The following CADM1 variants were observed in gnomAD, a reference collection of about 807,000 sequenced individuals.
The protein encoded by CADM1 is cell adhesion molecule 1.
A neutral mutation model predicts 53.1 loss-of-function variants in CADM1; 15 were observed. The observed-to-expected ratio is 0.28, with a 90% CI of 0.19 to 0.44. The LOEUF (loss-of-function observed/expected upper bound fraction) is 0.44. Among genes scored for constraint, CADM1 ranks in the 20% least tolerant of loss-of-function variants. The pLI, the probability that CADM1 is intolerant of heterozygous loss-of-function variation, is 1.00. For synonymous variants in CADM1, 281 were observed against 243.0 expected (o/e 1.16, Z -1.45); for missense variants, 434 against 611.3 (o/e 0.71, Z 3.06).
At chr11:115,432,028 T>G (rs539574015) in intron 1 of CADM1, among the ~76,000 whole-genome samples, 24 of 152,144 alleles carry the variant, frequency 1.6e-4, no homozygotes, top group African/African-American at 5.8e-4. Context: ...CACTGCAACC[T>G]CTGCCCCTCC....
chr11:115,467,043 G>T (rs1380221390), intron 1 of CADM1, among the ~76,000 whole-genome samples: 1 of 152,114 alleles, frequency 6.6e-6, no homozygotes, highest in Non-Finnish European at 1.5e-5. Context: ...GACCCTTTCA[G>T]TATTTTTCAT....
intron 5 of CADM1, among the ~76,000 whole-genome samples, chr11:115,227,928 G>A (rs968352848): frequency 2.6e-5 from 4 of 152,234 alleles, no homozygotes; most frequent in Admixed American, 1.3e-4. Context: ...ATCTGTGACT[G>A]TAGCTGAATT....
At position 115,178,562 on chromosome 11, in the gene CADM1, C is replaced by T. The variant is rs563933500; in HGVS notation, c.1297+82G>A. On this transcript the variant is annotated intron_variant, in intron 11 of 11. Coordinates refer to ENST00000331581, the MANE Select transcript of CADM1 (RefSeq NM_001301043.2). Reference sequence around the variant, plus strand: ...CCGTGTGGCCACATACATCAAATTGCCTATCAAGGACAACCTTGTAAAGTC... The same window carrying T: ...CCGTGTGGCCACATACATCAAATTGTCTATCAAGGACAACCTTGTAAAGTC... 9.5e-4 allele frequency: 1,280 copies of T among 1,348,524 alleles called. 1 individual carries two copies. Among genetic ancestry groups the T allele is most frequent in the Non-Finnish European group, 1.3e-3 (1,235 of 959,326 alleles). 83.5% of individuals were successfully genotyped at this position (1,348,524 alleles called of 1,614,324 possible).
At chr11:115,366,217 G>A (rs981638795) in intron 1 of CADM1, among the ~76,000 whole-genome samples, 6 of 152,036 alleles carry the variant, frequency 3.9e-5, no homozygotes, top group African/African-American at 9.7e-5. Context: ...ACATTTCTCC[G>A]CAGCACAAAA....
At chr11:115,357,963 A>G (rs1405969739) in intron 1 of CADM1, among the ~76,000 whole-genome samples, 3 of 152,194 alleles carry the variant, frequency 2.0e-5, no homozygotes, top group South Asian at 2.1e-4. Flanking sequence ...ATAATGTGGT[A>G]ATTGCCATAA....
Position 115,402,360 on chromosome 11 carries a change from T to G in CADM1, c.124+101911A>C, listed in dbSNP as rs535097697. Among the ~76,000 whole-genome samples the G allele has an allele frequency of 6.1e-3, 927 of 152,148 alleles. 9 individuals are homozygous for G. The highest frequency in any genetic ancestry group is 0.021 in the African/African-American group (885 of 41,506). ...CAATATGGTGAAACCCTGTCTCTAC[T>G]ACAAATACAAAAATTAGCTGGGTGT... On this transcript the variant is annotated intron_variant, in intron 1 of 11. Transcript: ENST00000331581.
intron 1 of CADM1, among the ~76,000 whole-genome samples, chr11:115,266,413 G>A (rs1943142707): frequency 6.6e-6 from 1 of 152,208 alleles, no homozygotes; most frequent in Non-Finnish European, 1.5e-5. Context: ...GCCTGCTGGA[G>A]TGCCATGTCT....
intron 1 of CADM1, among the ~76,000 whole-genome samples, chr11:115,312,231 G>A (rs773825908): frequency 3.9e-5 from 6 of 152,228 alleles, no homozygotes; most frequent in East Asian, 3.9e-4. Flanking sequence ...CTCCAATGCC[G>A]CTTTATTTAA....
chr11:115,336,729 A>C (rs769861887), intron 1 of CADM1, among the ~76,000 whole-genome samples: 2 of 152,176 alleles, frequency 1.3e-5, no homozygotes, highest in Non-Finnish European at 2.9e-5. Context: ...AATTAGAAGC[A>C]CTGTCATTTC....
chr11:115,477,382 A>G (rs544488335), intron 1 of CADM1, among the ~76,000 whole-genome samples: 1 of 152,324 alleles, frequency 6.6e-6, no homozygotes, highest in Non-Finnish European at 1.5e-5. Flanking sequence ...CAAGAATCCA[A>G]TGGTTATTTC....
chr11:115,239,374 G>A (rs1004795694), intron 2 of CADM1, among the ~76,000 whole-genome samples: 2 of 152,120 alleles, frequency 1.3e-5, no homozygotes, highest in Non-Finnish European at 2.9e-5. Context: ...AGTACATTTG[G>A]CTTCACAGTA....
At chr11:115,421,772 A>C (rs1186919714) in intron 1 of CADM1, among the ~76,000 whole-genome samples, 2 of 152,168 alleles carry the variant, frequency 1.3e-5, no homozygotes, top group Non-Finnish European at 2.9e-5. Context: ...AGCACAGTTC[A>C]CTCAAATGAA....
intron 1 of CADM1, among the ~76,000 whole-genome samples, chr11:115,298,117 C>T (rs1027792072): frequency 2.0e-5 from 3 of 152,112 alleles, no homozygotes; most frequent in Non-Finnish European, 2.9e-5. Context: ...TAATTGTTGC[C>T]GTGAATAATC....
intron 5 of CADM1, among the ~76,000 whole-genome samples, chr11:115,225,778 G>A (rs966379040): frequency 7.9e-5 from 12 of 151,586 alleles, no homozygotes; most frequent in South Asian, 4.2e-4. Context: ...GACATATAAC[G>A]CAGGTTTTCA....
At chr11:115,190,425 C>T (rs1939789003) in intron 10 of CADM1, among the ~76,000 whole-genome samples, 1 of 152,060 alleles carries the variant, frequency 6.6e-6, no homozygotes, top group African/African-American at 2.4e-5. Context: ...CTTCCCCACC[C>T]CTGACTTCTA....
At chr11:115,176,668 T>C (rs936361174) in intron 11 of CADM1, 76 bp from the exon 12 acceptor site, 15 of 1,199,968 alleles carry the variant, frequency 1.3e-5, no homozygotes, top group Non-Finnish European at 3.7e-6. Context: ...GGCAACTTGC[T>C]TTATGGCCAT....
chr11:115,462,775 C>A (rs1420171847), intron 1 of CADM1, among the ~76,000 whole-genome samples: 3 of 152,168 alleles, frequency 2.0e-5, no homozygotes, highest in East Asian at 1.9e-4. Context: ...ACTTTCAAGG[C>A]AGGAAGGTTT....
intron 3 of CADM1, among the ~76,000 whole-genome samples, chr11:115,236,547 G>T (rs1289849823): frequency 6.6e-6 from 1 of 152,082 alleles, no homozygotes; most frequent in African/African-American, 2.4e-5. Flanking sequence ...CCTCCAAAAG[G>T]ATTACAGGCA....
chr11:115,287,230 A>G (rs908238904), intron 1 of CADM1, among the ~76,000 whole-genome samples: 1 of 152,234 alleles, frequency 6.6e-6, no homozygotes, highest in African/African-American at 2.4e-5. Flanking sequence ...GATATTCTAC[A>G]GCACTGAAAA....
Sources: gnomAD v4.1 joint callset for allele counts (sites outside exome capture counted in the v4.1 genomes callset) on GRCh38, gnomAD v4.1.1 for gene constraint, MANE v1.5 for transcripts, NCBI Gene and HGNC (gene_info 2026-07-23, HGNC 2026-07-21) for gene names.